CADPS2: variants seen among roughly 807,000 people sequenced by gnomAD.
CADPS2 encodes the protein calcium-dependent secretion activator 2.
Under a neutral mutation model 172.5 loss-of-function variants are expected in CADPS2, and 93 were observed. That is an observed-to-expected ratio of 0.54 (90% CI 0.46 to 0.64). The LOEUF is 0.64. Among genes scored for constraint, CADPS2 ranks in the 30% least tolerant of loss-of-function variants. CADPS2 has a pLI of 0.00. For synonymous variants in CADPS2, 546 were observed against 555.2 expected (o/e 0.98, Z 0.23); for missense variants, 1,420 against 1,565.9 (o/e 0.91, Z 1.57).
chr7:122,529,330 AAG>A lies in CADPS2; in HGVS notation c.1476-16017_1476-16016del, dbSNP rs147600252. Reference sequence around the variant, plus strand: ...CATACATTCATAGGCATACAAATGAAAGAGGCATAAAAACACATTTGGAGTAA... The same window carrying A: ...CATACATTCATAGGCATACAAATGAAAGGCATAAAAACACATTTGGAGTAA... On this transcript the variant is annotated intron_variant, in intron 8 of 29. Transcript: ENST00000449022. Among the ~76,000 whole-genome samples the A allele has an allele frequency of 7.8e-3, 1,187 of 152,246 alleles. 16 individuals carry two copies. Among genetic ancestry groups the A allele is most frequent in the African/African-American group, 0.028 (1,147 of 41,564 alleles).
intron 15 of CADPS2, among the ~76,000 whole-genome samples, chr7:122,447,689 G>C (rs1258289935): frequency 6.6e-6 from 1 of 151,182 alleles, no homozygotes; most frequent in South Asian, 2.1e-4. Flanking sequence ...AAGTAACCGG[G>C]ACTACAGGAG....
intron 6 of CADPS2, among the ~76,000 whole-genome samples, chr7:122,592,188 G>T (rs563123294): frequency 6.6e-6 from 1 of 152,248 alleles, no homozygotes; most frequent in East Asian, 1.9e-4. Context: ...GAGATGAACA[G>T]ACACTTCTCA....
chr7:122,383,617 T>C (rs2043275383), intron 24 of CADPS2, among the ~76,000 whole-genome samples: 2 of 152,054 alleles, frequency 1.3e-5, no homozygotes, highest in East Asian at 1.9e-4. Context: ...TACATTAAGA[T>C]AACCATTCAG....
In CADPS2 at chr7:122,591,927, A is replaced by G. The variant is rs1020857481; in HGVS notation, c.1224-10637T>C. On this transcript the variant is annotated intron_variant, in intron 6 of 29. Coordinates refer to ENST00000449022, the MANE Select transcript of CADPS2 (RefSeq NM_017954.11). ...AATACCATTCAGGACATAGGCATGGACAAGGACTTCATGTCTAAAACAACA... is the reference window on the plus strand; with the variant it reads ...AATACCATTCAGGACATAGGCATGGGCAAGGACTTCATGTCTAAAACAACA... Among the ~76,000 whole-genome samples the G allele has an allele frequency of 1.5e-4, 23 of 151,526 alleles. 1 individual carries two copies. Among genetic ancestry groups the G allele is most frequent in the African/African-American group, 2.9e-4 (12 of 41,328 alleles).
intron 1 of CADPS2, among the ~76,000 whole-genome samples, chr7:122,856,895 T>A (rs1234907660): frequency 6.6e-6 from 1 of 152,214 alleles, no homozygotes; most frequent in Non-Finnish European, 1.5e-5. Flanking sequence ...ACTATATATA[T>A]CAGCTCACTT....
chr7:122,382,402 G>A (rs1405601273), intron 24 of CADPS2: 2 of 152,082 alleles, frequency 1.3e-5, no homozygotes, highest in East Asian at 1.9e-4. Context: ...TGTTCATCTG[G>A]GGTGGGTACA....
intron 20 of CADPS2, among the ~76,000 whole-genome samples, chr7:122,398,435 C>T (rs1252866831): frequency 1.3e-5 from 2 of 152,106 alleles, no homozygotes; most frequent in African/African-American, 2.4e-5. Context: ...TCTCCTCAAA[C>T]TTCTCATTAG....
chr7:122,567,469 A>T (rs769461787), intron 7 of CADPS2, among the ~76,000 whole-genome samples: 2 of 152,194 alleles, frequency 1.3e-5, no homozygotes, highest in Non-Finnish European at 2.9e-5. Context: ...CTTCCTGAAC[A>T]TCCCCTTTTT....
At chr7:122,605,357 A>G (rs1205053928) in intron 6 of CADPS2, among the ~76,000 whole-genome samples, 1 of 152,104 alleles carries the variant, frequency 6.6e-6, no homozygotes, top group Non-Finnish European at 1.5e-5. Context: ...TGTCACTAAG[A>G]GATAGGAATT....
At chr7:122,628,478 G>T (rs991659120) in intron 4 of CADPS2, among the ~76,000 whole-genome samples, 3 of 151,664 alleles carry the variant, frequency 2.0e-5, no homozygotes, top group Admixed American at 2.0e-4. Context: ...TCAAATATTG[G>T]AAGTTTTTGC....
intron 7 of CADPS2, among the ~76,000 whole-genome samples, chr7:122,574,898 T>C (rs1028732063): frequency 1.3e-5 from 2 of 152,068 alleles, no homozygotes; most frequent in Admixed American, 6.6e-5. Flanking sequence ...GAAAATGATA[T>C]CTTTACGATG....
intron 7 of CADPS2, 26 bp downstream of exon 7, chr7:122,581,153 G>A: frequency 6.4e-7 from 1 of 1,552,896 alleles, no homozygotes; most frequent in Non-Finnish European, 8.9e-7. Context: ...GTTCTACCCT[G>A]GACACACAGG....
In CADPS2 at chr7:122,770,844, C is replaced by G. The variant is rs142020493; in HGVS notation, c.340-33776G>C. 4.1e-4 allele frequency among the ~76,000 whole-genome samples: 63 copies of G among 152,240 alleles called. 2 individuals are homozygous for G. Among genetic ancestry groups the G allele is most frequent in the African/African-American group, 1.5e-3 (62 of 41,550 alleles). On this transcript the variant is annotated intron_variant, in intron 1 of 29. Coordinates refer to ENST00000449022, the MANE Select transcript of CADPS2 (RefSeq NM_017954.11). Reference sequence around the variant, plus strand: ...CTGCTGCAGGGCACTCAAGCAGGTTCCAGACAACTAGGACAAAAGGGCTTT... The same window carrying G: ...CTGCTGCAGGGCACTCAAGCAGGTTGCAGACAACTAGGACAAAAGGGCTTT...
chr7:122,452,219 G>A (rs988717100), intron 14 of CADPS2, among the ~76,000 whole-genome samples: 2 of 152,076 alleles, frequency 1.3e-5, no homozygotes, highest in African/African-American at 2.4e-5. Context: ...TTAGGTATCC[G>A]GTTGTACGGC....
intron 2 of CADPS2, among the ~76,000 whole-genome samples, chr7:122,703,618 A>C (rs1343962385): frequency 6.6e-6 from 1 of 152,156 alleles, no homozygotes; most frequent in Non-Finnish European, 1.5e-5. Context: ...GTAGAGGCTA[A>C]GGATTTTGGA....
At chr7:122,810,953 G>A (rs1799894102) in intron 1 of CADPS2, among the ~76,000 whole-genome samples, 1 of 152,132 alleles carries the variant, frequency 6.6e-6, no homozygotes, top group East Asian at 1.9e-4. Flanking sequence ...TCCTACTTCT[G>A]TTAATGTGTT....
At chr7:122,714,911 C>A (rs1179597479) in intron 2 of CADPS2, among the ~76,000 whole-genome samples, 1 of 152,028 alleles carries the variant, frequency 6.6e-6, no homozygotes, top group Non-Finnish European at 1.5e-5. Flanking sequence ...CTCGTTTTAT[C>A]AATTAGAAAA....
At chr7:122,493,932 G>T (rs566823320) in intron 9 of CADPS2, among the ~76,000 whole-genome samples, 4 of 151,906 alleles carry the variant, frequency 2.6e-5, no homozygotes, top group Non-Finnish European at 4.4e-5. Flanking sequence ...AATCAATTTT[G>T]TCAGAGGTTT....
chr7:122,626,644 C>T (rs947802596), intron 4 of CADPS2, among the ~76,000 whole-genome samples: 1 of 152,128 alleles, frequency 6.6e-6, no homozygotes, highest in Admixed American at 6.6e-5. Flanking sequence ...TATTGTGGGG[C>T]TATCGCAAAT....
Sources: gnomAD v4.1 joint callset for allele counts (sites outside exome capture counted in the v4.1 genomes callset) on GRCh38, gnomAD v4.1.1 for gene constraint, MANE v1.5 for transcripts, NCBI Gene and HGNC (gene_info 2026-07-23, HGNC 2026-07-21) for gene names.